Variants in LRP1B observed in about 807,000 individuals in gnomAD.
LRP1B encodes the protein low-density lipoprotein receptor-related protein 1B.
In LRP1B, 217 loss-of-function variants were observed where a neutral mutation model predicts 556.6. That is an observed-to-expected ratio of 0.39 (90% confidence interval 0.35 to 0.44). The LOEUF is 0.44. Among genes scored for constraint, LRP1B ranks in the 20% least tolerant of loss-of-function variants. The pLI is 1.00. For missense variants in LRP1B, 5,053 were observed against 5,620.8 expected (o/e 0.90, Z 3.23); for synonymous variants, 2,047 against 1,865.8 (o/e 1.10, Z -2.50).
chr2:141,897,424 CA>C (rs1470241608), intron 1 of LRP1B, among the ~76,000 whole-genome samples: 38 of 152,166 alleles, frequency 2.5e-4, no homozygotes, highest in African/African-American at 8.7e-4. Context: ...AGTACCAGGT[CA>C]GCAATATCTA....
intron 2 of LRP1B, among the ~76,000 whole-genome samples, chr2:141,803,738 G>C (rs1696085821): frequency 6.6e-6 from 1 of 151,942 alleles, no homozygotes. Flanking sequence ...TAATTTTAAA[G>C]GGCAGTATCT....
rs1354662838 is a variant in LRP1B at position 141,531,822 on chromosome 2, C to CA, written c.206-51290dup. 2.0e-5 allele frequency among the ~76,000 whole-genome samples: 3 copies of CA among 150,626 alleles called. No individual in the cohort carries two copies. In the Admixed American group the frequency reaches 2.0e-4, roughly 10 times the overall value. ...TAAAAACTGTTGAATATACAGATGT[C>CA]AAAATTTTTTGTAGGGGCATCCCAC... is the stretch of plus-strand genomic sequence containing the variant. On this transcript the variant is annotated intron_variant, in intron 2 of 90. Transcript: ENST00000389484.
chr2:141,912,930 G>A (rs1243144530), intron 1 of LRP1B, among the ~76,000 whole-genome samples: 1 of 152,012 alleles, frequency 6.6e-6, no homozygotes, highest in African/African-American at 2.4e-5. Context: ...TATGTCTTTG[G>A]GTTTTAACTT....
At chr2:140,489,812 A>C (rs1479355011) in intron 57 of LRP1B, among the ~76,000 whole-genome samples, 1 of 152,124 alleles carries the variant, frequency 6.6e-6, no homozygotes, top group Admixed American at 6.6e-5. Context: ...CACAATCCCC[A>C]GTCATGGCAG....
At chr2:140,889,833 T>C (rs1191814396) in intron 23 of LRP1B, among the ~76,000 whole-genome samples, 1 of 152,226 alleles carries the variant, frequency 6.6e-6, no homozygotes, top group Non-Finnish European at 1.5e-5. Flanking sequence ...AATGGTAGTT[T>C]GTATTTCTAC....
rs374092093 is a variant in LRP1B at position 141,204,819 on chromosome 2, C to T, written c.851-16236G>A. 5.3e-5 allele frequency among the ~76,000 whole-genome samples: 8 copies of T among 152,082 alleles called. 1 individual carries two copies. In the East Asian group the frequency reaches 9.7e-4, roughly 18 times the overall value. On this transcript the variant is annotated intron_variant, in intron 6 of 90. Coordinates refer to ENST00000389484, the MANE Select transcript of LRP1B (RefSeq NM_018557.3). ...AGGTGCGGTGGCAGGTGCCTGTAAT[C>T]CCAACTATTTGGGAGGCTGAGGCAG...
intron 18 of LRP1B, among the ~76,000 whole-genome samples, chr2:140,952,527 A>C (rs946845779): frequency 2.0e-5 from 3 of 152,148 alleles, no homozygotes; most frequent in African/African-American, 7.2e-5. Flanking sequence ...ACAACAAAAA[A>C]AACAAAAAAC....
intron 83 of LRP1B, among the ~76,000 whole-genome samples, chr2:140,303,526 C>T (rs563836124): frequency 9.9e-5 from 15 of 152,052 alleles, no homozygotes; most frequent in East Asian, 1.9e-4. Context: ...GGATTACAGG[C>T]GTGAGACACC....
At chr2:141,698,242 C>T (rs1479310523) in intron 2 of LRP1B, among the ~76,000 whole-genome samples, 7 of 151,748 alleles carry the variant, frequency 4.6e-5, no homozygotes, top group Non-Finnish European at 8.8e-5. Context: ...GCTGGAAAAA[C>T]AGTTGTGAGC....
chr2:142,054,352 T>C (rs1375338412), intron 1 of LRP1B, among the ~76,000 whole-genome samples: 1 of 152,120 alleles, frequency 6.6e-6, no homozygotes, highest in East Asian at 1.9e-4. Context: ...AATTTAAGAT[T>C]CCCCTACATG....
intron 1 of LRP1B, among the ~76,000 whole-genome samples, chr2:141,914,362 A>G (rs1699978792): frequency 6.6e-6 from 1 of 152,194 alleles, no homozygotes; most frequent in African/African-American, 2.4e-5. Context: ...AGCAAAAGAA[A>G]AGGTGTTTTT....
chr2:140,591,126 T>A (rs1682206458), intron 43 of LRP1B, among the ~76,000 whole-genome samples: 1 of 152,206 alleles, frequency 6.6e-6, no homozygotes, highest in Admixed American at 6.5e-5. Flanking sequence ...TAAAATATAC[T>A]GAAATCAATA....
intron 31 of LRP1B, among the ~76,000 whole-genome samples, chr2:140,820,541 G>T (rs2105052932): frequency 6.6e-6 from 1 of 152,188 alleles, no homozygotes; most frequent in South Asian, 2.1e-4. Context: ...CAAATCTTAT[G>T]TGCCTTGTGA....
At chr2:141,720,483 T>C (rs567461833) in intron 2 of LRP1B, among the ~76,000 whole-genome samples, 38 of 152,042 alleles carry the variant, frequency 2.5e-4, no homozygotes, top group Admixed American at 2.1e-3. Flanking sequence ...AGACAGAAAA[T>C]GTCTCTAATC....
At chr2:140,623,046 A>G (rs74790239) in intron 41 of LRP1B, among the ~76,000 whole-genome samples, 4,220 of 152,296 alleles carry the variant, frequency 0.028, 190 homozygotes, top group African/African-American at 0.093. Flanking sequence ...TTTTAAAAAT[A>G]TGGCCTTAGA....
In LRP1B at chr2:141,032,826, C is replaced by CATATATATATATATATATATATATATAT. The variant is rs71391641; in HGVS notation, c.1790-12725_1790-12724insATATATATATATATATATATATATATAT. ...ATGTGTGTGTGTATATATATACATA[C>CATATATATATATATATATATATATATAT]ATATATATATATATGCAGGCATATG... On this transcript the variant is annotated intron_variant, in intron 11 of 90. Transcript: ENST00000389484. Among the ~76,000 whole-genome samples, 926 of 126,210 alleles carry CATATATATATATATATATATATATATAT rather than the reference C, an allele frequency of 7.3e-3. 10 individuals are homozygous for CATATATATATATATATATATATATATAT. The highest frequency in any genetic ancestry group is 0.016 in the African/African-American group (538 of 32,760). 82.8% of individuals were successfully genotyped at this position (126,210 alleles called of 152,430 possible). A position where few individuals can be genotyped will look rare whatever the true frequency, so the allele number is the denominator to read the frequency against.
At chr2:140,949,444 C>T (rs1294048500) in intron 20 of LRP1B, among the ~76,000 whole-genome samples, 1 of 152,140 alleles carries the variant, frequency 6.6e-6, no homozygotes, top group Non-Finnish European at 1.5e-5. Context: ...TGTTGAGAGC[C>T]ATGGTCATAA....
chr2:142,022,601 AG>A (rs1703370716), intron 1 of LRP1B, among the ~76,000 whole-genome samples: 1 of 152,100 alleles, frequency 6.6e-6, no homozygotes, highest in Non-Finnish European at 1.5e-5. Flanking sequence ...GCCATGTGAA[AG>A]GGGCTTAATG....
chr2:141,430,939 G>A (rs1680537292), intron 3 of LRP1B, among the ~76,000 whole-genome samples: 1 of 151,848 alleles, frequency 6.6e-6, no homozygotes, highest in Non-Finnish European at 1.5e-5. Flanking sequence ...AGACCAGCCT[G>A]GTCAACATAG....
Sources: gnomAD v4.1 joint callset for allele counts (sites outside exome capture counted in the v4.1 genomes callset) on GRCh38, gnomAD v4.1.1 for gene constraint, MANE v1.5 for transcripts, NCBI Gene and HGNC (gene_info 2026-07-23, HGNC 2026-07-21) for gene names.